PKD1L3: variants seen among roughly 807,000 people sequenced by gnomAD.
PKD1L3 encodes the protein polycystin-1-like protein 3.
PKD1L3 carries 239 observed loss-of-function variants against 184.1 expected under a neutral mutation model. The ratio of observed to expected loss-of-function variants is 1.30; its 90% CI spans 1.17 to 1.45. The LOEUF (loss-of-function observed/expected upper bound fraction) is 1.45. Among genes scored for constraint, PKD1L3 ranks in the 40% most tolerant of loss-of-function variants. The probability of loss-of-function intolerance (pLI) is 0.00; values close to 1 mark genes in which losing one functional copy is unlikely to be tolerated. For missense variants in PKD1L3, 2,660 were observed against 2,067.2 expected, an observed-to-expected ratio of 1.29 and a Z score of -5.56; for synonymous variants, 996 against 778.8, an observed-to-expected ratio of 1.28 and a Z score of -4.64.
At position 71,995,980 on chromosome 16, in the gene PKD1L3, A is replaced by T. The variant is rs531707514; in HGVS notation, c.418+2292T>A. Among the ~76,000 whole-genome samples the T allele has an allele frequency of 2.6e-5, 4 of 152,198 alleles. No individual in the cohort carries two copies. In the East Asian group the frequency reaches 5.8e-4, roughly 22 times the overall value. On this transcript the variant is annotated intron_variant, in intron 2 of 29. Transcript: ENST00000620267. ...GTATCTCAGTTTATTTTTAATTTGC[A>T]TTACGCTATTTTTTTTGGCAAAAAT...
At chr16:71,938,467 G>T (rs2038254870) in intron 24 of PKD1L3, among the ~76,000 whole-genome samples, 1 of 152,250 alleles carries the variant, frequency 6.6e-6, no homozygotes, top group African/African-American at 2.4e-5. Context: ...GAAAGGGGCA[G>T]GTCCCCAGTA....
chr16:71,979,255 C>T (rs1057225957), intron 9 of PKD1L3, among the ~76,000 whole-genome samples: 1 of 152,100 alleles, frequency 6.6e-6, no homozygotes, highest in African/African-American at 2.4e-5. Flanking sequence ...ACCAGTCTGG[C>T]CAAAATGGCG....
intron 5 of PKD1L3, among the ~76,000 whole-genome samples, 168 bp from the exon 6 acceptor site, chr16:71,984,335 G>T (rs1019560404): frequency 6.6e-6 from 1 of 152,166 alleles, no homozygotes; most frequent in African/African-American, 2.4e-5. Context: ...CGAGTGGACA[G>T]AATTTATTTC....
intron 11 of PKD1L3, among the ~76,000 whole-genome samples, chr16:71,976,667 C>G (rs2039936422): frequency 6.6e-6 from 1 of 152,094 alleles, no homozygotes; most frequent in South Asian, 2.1e-4. Context: ...GTCTGTAATC[C>G]CAGCACTTCA....
Position 71,954,226 on chromosome 16 carries a change from G to A in PKD1L3, c.2688C>T (p.Pro896=). The A allele has an allele frequency of 6.4e-7, 1 of 1,551,096 alleles. No homozygotes were observed. Among genetic ancestry groups the A allele is most frequent in the Non-Finnish European group, 8.7e-7 (1 of 1,146,596 alleles). Residue 896 remains proline, a synonymous_variant, in exon 17 of 30, where the codon CCC becomes CCT. Transcript: ENST00000620267. The part of the protein sequence containing the change: ...YLWLSIATRH[P]WNQFTRVQRL... Reference sequence around the variant, plus strand: ...GTTGGACCCTTGTAAACTGGTTCCAGGGATGCCGAGTTGCAATTGAAAGCC... The same window carrying A: ...GTTGGACCCTTGTAAACTGGTTCCAAGGATGCCGAGTTGCAATTGAAAGCC...
At chr16:71,989,395 C>T (rs1034810628) in intron 4 of PKD1L3, among the ~76,000 whole-genome samples, 28 of 152,330 alleles carry the variant, frequency 1.8e-4, no homozygotes, top group East Asian at 1.5e-3. Context: ...TCAGGTGATC[C>T]GCCCGCCTCG....
chr16:71,995,847 A>C (rs991285528), intron 2 of PKD1L3, among the ~76,000 whole-genome samples: 4 of 152,220 alleles, frequency 2.6e-5, no homozygotes, highest in African/African-American at 9.6e-5. Flanking sequence ...ATTATATCTT[A>C]CTGCATTCTC....
chr16:71,987,235 T>C (rs539622130), intron 4 of PKD1L3, among the ~76,000 whole-genome samples: 1 of 151,096 alleles, frequency 6.6e-6, no homozygotes, highest in African/African-American at 2.4e-5. Flanking sequence ...GGAGAGGATT[T>C]CTTGAGACTG....
At chr16:71,938,312 T>C (rs555682706) in intron 24 of PKD1L3, among the ~76,000 whole-genome samples, 12 of 152,346 alleles carry the variant, frequency 7.9e-5, no homozygotes, top group Non-Finnish European at 1.5e-4. Flanking sequence ...CTCCGAACTT[T>C]GGACACGGAC....
At chr16:71,973,281 G>A (rs1221700278) in intron 12 of PKD1L3, 43 bp downstream of exon 12, 1 of 1,534,386 alleles carries the variant, frequency 6.5e-7, no homozygotes, top group Admixed American at 2.0e-5. Context: ...CTTAACAGTA[G>A]CTATGGCAGA....
intron 13 of PKD1L3, among the ~76,000 whole-genome samples, chr16:71,968,469 A>G (rs2039583947): frequency 1.3e-5 from 2 of 152,218 alleles, no homozygotes; most frequent in African/African-American, 4.8e-5. Context: ...ACAAGAAGTG[A>G]ACACTTGGCG....
rs2037901033 is a variant in PKD1L3, at chr16:71,930,385, G to A, written c.4927-202C>T. ...GAATGACTCATTTTAAGGAGGTTAAGATAATTGTGACTGCAGGGCTTTCAC... is the reference window on the plus strand; with the variant it reads ...GAATGACTCATTTTAAGGAGGTTAAAATAATTGTGACTGCAGGGCTTTCAC... On this transcript the variant is annotated intron_variant, in intron 28 of 29. Coordinates refer to ENST00000620267, the MANE Select transcript of PKD1L3 (RefSeq NM_181536.2). The A allele has an allele frequency of 7.0e-6, 3 of 428,180 alleles. 1 individual carries two copies. In the Middle Eastern group the frequency reaches 1.9e-3, roughly 270 times the overall value. The allele number at this position is 428,180 out of a possible 1,614,324, so 26.5% of individuals were successfully genotyped here. A position where few individuals can be genotyped will look rare whatever the true frequency, so the allele number is the denominator to read the frequency against.
At chr16:71,960,875 C>T (rs1313144121) in intron 16 of PKD1L3, among the ~76,000 whole-genome samples, 5 of 152,020 alleles carry the variant, frequency 3.3e-5, no homozygotes, top group African/African-American at 1.2e-4. Flanking sequence ...TTGGCAAACA[C>T]AGTGAGACCC....
intron 22 of PKD1L3, among the ~76,000 whole-genome samples, chr16:71,947,285 G>C (rs891682929): frequency 1.3e-5 from 2 of 152,040 alleles, no homozygotes; most frequent in African/African-American, 4.8e-5. Flanking sequence ...TAAAATGCAG[G>C]GGAGAGATGA....
At chr16:71,958,881 G>C (rs2039158316) in intron 16 of PKD1L3, among the ~76,000 whole-genome samples, 1 of 150,306 alleles carries the variant, frequency 6.7e-6, no homozygotes, top group Non-Finnish European at 1.5e-5. Context: ...GAGCGCAGGA[G>C]TTTGAGACCA....
intron 15 of PKD1L3, among the ~76,000 whole-genome samples, chr16:71,965,782 G>C (rs556152994): frequency 2.0e-5 from 3 of 152,022 alleles, no homozygotes; most frequent in African/African-American, 7.2e-5. Flanking sequence ...TCAAACTCCT[G>C]ACCTCAAGTG....
chr16:71,969,130 C>T (rs2039612762), intron 13 of PKD1L3, among the ~76,000 whole-genome samples: 1 of 151,424 alleles, frequency 6.6e-6, no homozygotes, highest in Non-Finnish European at 1.5e-5. Flanking sequence ...GGAGTTTCAT[C>T]ATGTTGGCCA....
chr16:71,969,114 A>G (rs1391475734), intron 13 of PKD1L3, among the ~76,000 whole-genome samples: 1 of 149,992 alleles, frequency 6.7e-6, no homozygotes, highest in African/African-American at 2.5e-5. Flanking sequence ...TATTTTTAGT[A>G]GAGATGGAGT....
At chr16:71,987,390 T>C (rs1008087923) in intron 4 of PKD1L3, among the ~76,000 whole-genome samples, 4 of 151,856 alleles carry the variant, frequency 2.6e-5, no homozygotes, top group African/African-American at 9.7e-5. Flanking sequence ...CTGGCTACTT[T>C]TGAGATGGAG....
Sources: gnomAD v4.1 joint callset for allele counts (sites outside exome capture counted in the v4.1 genomes callset) on GRCh38, gnomAD v4.1.1 for gene constraint, MANE v1.5 for transcripts, NCBI Gene and HGNC (gene_info 2026-07-23, HGNC 2026-07-21) for gene names.